The following URI1 variants were observed in gnomAD, a reference collection of about 807,000 sequenced individuals.
URI1 encodes unconventional prefoldin RPB5 interactor 1.
Under a neutral mutation model 60.2 loss-of-function variants are expected in URI1, and 39 were observed. That is an observed-to-expected ratio of 0.65 (90% confidence interval 0.50 to 0.85). The LOEUF is 0.85. Ranked by LOEUF, URI1 falls within the 40% of genes least tolerant of loss-of-function variation. The pLI is 0.00. For missense variants in URI1, 691 were observed against 665.9 expected, an observed-to-expected ratio of 1.04 and a Z score of -0.42; for synonymous variants, 251 against 236.8, an observed-to-expected ratio of 1.06 and a Z score of -0.55.
Position 30,009,069 on chromosome 19 carries a change from C to G in URI1, c.751C>G (p.Arg251Gly). The G allele has an allele frequency of 3.1e-6, 5 of 1,613,784 alleles. No homozygotes were observed. Among genetic ancestry groups the G allele is most frequent in the Non-Finnish European group, 4.2e-6 (5 of 1,179,860 alleles). ...ATCTTCTGAAGAGGAAAAGGAAGAT[C>G]GTAACACAAATGTGAATGCGATGCA... ...TTSSEEEKEDRNTNVNAMHQV... is the reference protein window; with the variant it reads ...TTSSEEEKEDGNTNVNAMHQV... The change falls in exon 8 of 11, where the codon CGT becomes GGT. Residue 251 changes from arginine (R) to glycine (G), a missense_variant. By Grantham distance (125) the Arg-to-Gly change is moderately radical. Coordinates refer to ENST00000392271, the MANE Select transcript of URI1 (RefSeq NM_003796.3).
In URI1 at chr19:30,012,475, G is replaced by A. The variant is rs764303297; in HGVS notation, c.1369G>A (p.Glu457Lys). The A allele has an allele frequency of 6.2e-7, 1 of 1,614,172 alleles. No individual in the cohort carries two copies. Among genetic ancestry groups the A allele is most frequent in the East Asian group, 2.2e-5 (1 of 44,884 alleles). Residue 457 changes from glutamate to lysine, a missense_variant, in exon 10 of 11, where the codon GAA becomes AAA. Physicochemically the swap from Glu to Lys is moderately conservative, Grantham distance 56. Coordinates refer to ENST00000392271, the MANE Select transcript of URI1 (RefSeq NM_003796.3). ...CAGTGACACCAGTGAGAGCATTTTGGAAGAGGAACCACAAGAAAATCAAAA... is the reference window on the plus strand; with the variant it reads ...CAGTGACACCAGTGAGAGCATTTTGAAAGAGGAACCACAAGAAAATCAAAA... ...TCSDTSESIL[E>K]EEPQENQKKL...
chr19:30,015,203 C>A lies in URI1; in HGVS notation c.*134C>A. 7.0e-7 allele frequency: 1 copy of A among 1,433,588 alleles called. No individual in the cohort carries two copies. 88.8% of individuals were successfully genotyped at this position (1,433,588 alleles called of 1,614,324 possible). ...TACTTTGGCAACAAGTTCTTTTACC[C>A]TTACCCGTGGTATTTGAAAAAAATC... On this transcript the variant is annotated 3_prime_UTR_variant, in exon 11 of 11. Transcript: ENST00000392271.
chr19:30,007,663 C>G (rs889914686), intron 7 of URI1, 25 bp downstream of exon 7: 2 of 1,544,910 alleles, frequency 1.3e-6, no homozygotes, highest in Non-Finnish European at 1.7e-6. Flanking sequence ...ATTATCTTTC[C>G]AAGATAATTT....
At chr19:29,964,593 T>C (rs1343608027) in intron 1 of URI1, among the ~76,000 whole-genome samples, 1 of 151,404 alleles carries the variant, frequency 6.6e-6, no homozygotes, top group Non-Finnish European at 1.5e-5. Context: ...CCTGAGTAGC[T>C]GGGATTACAG....
intron 4 of URI1, among the ~76,000 whole-genome samples, chr19:29,989,174 G>A (rs1599706582): frequency 6.6e-6 from 1 of 151,524 alleles, no homozygotes; most frequent in East Asian, 1.9e-4. Context: ...GCAGTGGGGC[G>A]ATCTTGGCTC....
chr19:29,924,790 C>T (rs1014364030), intron 1 of URI1, among the ~76,000 whole-genome samples: 7 of 152,264 alleles, frequency 4.6e-5, no homozygotes, highest in Admixed American at 1.3e-4. Context: ...TCTGCCTGCC[C>T]TCAGCTTCCT....
chr19:29,942,545 G>C lies in URI1; in HGVS notation c.-3G>C. On this transcript the variant is annotated 5_prime_UTR_variant, in exon 1 of 11. Coordinates refer to ENST00000392271, the MANE Select transcript of URI1 (RefSeq NM_003796.3). ...ACGCCGCGCTGAGGCCCGCGGGCCC[G>C]TCATGGAGGCGCCCACCGTGGAGAC... 7.1e-7 allele frequency: 1 copy of C among 1,406,970 alleles called. No individual in the cohort carries two copies. The highest frequency in any genetic ancestry group is 9.3e-7 in the Non-Finnish European group (1 of 1,080,814). 87.2% of individuals were successfully genotyped at this position (1,406,970 alleles called of 1,614,324 possible). A position where few individuals can be genotyped will look rare whatever the true frequency, so the allele number is the denominator to read the frequency against.
chr19:30,011,281 C>T (rs767275652), intron 9 of URI1, 45 bp downstream of exon 9: 5 of 1,546,756 alleles, frequency 3.2e-6, no homozygotes, highest in African/African-American at 2.8e-5. Flanking sequence ...GGGCTTGCCT[C>T]TCTTTCTGCC....
intron 1 of URI1, among the ~76,000 whole-genome samples, chr19:29,948,315 G>A (rs1035909090): frequency 3.3e-5 from 5 of 152,114 alleles, no homozygotes; most frequent in African/African-American, 9.7e-5. Context: ...GTGGGCATCA[G>A]GGGTCAACTT....
At chr19:29,928,308 G>A (rs2145191808) in intron 1 of URI1, among the ~76,000 whole-genome samples, 2 of 152,222 alleles carry the variant, frequency 1.3e-5, no homozygotes, top group South Asian at 4.1e-4. Context: ...CCACCGCCCA[G>A]GTCACGCCCA....
chr19:29,996,469 C>T (rs775056752), intron 4 of URI1, among the ~76,000 whole-genome samples: 6 of 146,534 alleles, frequency 4.1e-5, no homozygotes, highest in South Asian at 2.1e-4. Context: ...ATTAGCTTTA[C>T]AAGGGTGTTT....
chr19:29,965,473 A>T (rs1283844658), intron 1 of URI1, among the ~76,000 whole-genome samples: 1 of 152,254 alleles, frequency 6.6e-6, no homozygotes, highest in Non-Finnish European at 1.5e-5. Context: ...CTGAAAACAC[A>T]GTTATTCTTA....
At chr19:29,984,621 C>T (rs1599701739) in intron 2 of URI1, among the ~76,000 whole-genome samples, 1 of 152,090 alleles carries the variant, frequency 6.6e-6, no homozygotes, top group East Asian at 1.9e-4. Context: ...CTTAATTCTT[C>T]AATAAATGTA....
chr19:30,001,142 C>G (rs74377752), intron 4 of URI1, among the ~76,000 whole-genome samples: 4 of 151,588 alleles, frequency 2.6e-5, no homozygotes, highest in Non-Finnish European at 5.9e-5. Context: ...CTCTCTTGCT[C>G]TCTTTTTTTG....
chr19:29,987,033 G>A (rs2055680326), intron 4 of URI1, among the ~76,000 whole-genome samples: 1 of 152,076 alleles, frequency 6.6e-6, no homozygotes, highest in African/African-American at 2.4e-5. Flanking sequence ...GTGTATAGAA[G>A]CCTACATACA....
At chr19:29,949,392 G>A (rs1330937934) in intron 1 of URI1, among the ~76,000 whole-genome samples, 1 of 151,006 alleles carries the variant, frequency 6.6e-6, no homozygotes, top group Non-Finnish European at 1.5e-5. Context: ...TAGACGGGAT[G>A]GCGGCCGGGA....
At chr19:29,944,792 G>A (rs1200871885) in intron 1 of URI1, among the ~76,000 whole-genome samples, 4 of 152,190 alleles carry the variant, frequency 2.6e-5, no homozygotes, top group African/African-American at 4.8e-5. Context: ...TTTAATAGAA[G>A]CATTTGCTTC....
chr19:29,945,487 G>A (rs2055092315), intron 1 of URI1, among the ~76,000 whole-genome samples: 1 of 152,202 alleles, frequency 6.6e-6, no homozygotes, highest in South Asian at 2.1e-4. Context: ...ACCTCTAAGT[G>A]ACAATATCTG....
upstream of URI1, among the ~76,000 whole-genome samples, chr19:29,940,361 T>C (rs1421187331): frequency 6.6e-6 from 1 of 152,018 alleles, no homozygotes; most frequent in African/African-American, 2.4e-5. Flanking sequence ...AGGAAGAACC[T>C]TCTCAGGAGA....
Sources: gnomAD v4.1 joint callset for allele counts (sites outside exome capture counted in the v4.1 genomes callset) on GRCh38, gnomAD v4.1.1 for gene constraint, MANE v1.5 for transcripts, NCBI Gene and HGNC (gene_info 2026-07-23, HGNC 2026-07-21) for gene names.